LRRFIP2: variants seen among roughly 807,000 people sequenced by gnomAD.
The protein encoded by LRRFIP2 is leucine-rich repeat flightless-interacting protein 2.
Under a neutral mutation model 125.9 loss-of-function variants are expected in LRRFIP2, and 109 were observed. That is an observed-to-expected ratio of 0.87 (90% CI 0.74 to 1.01). LRRFIP2 has a LOEUF of 1.01. Ranked by LOEUF, LRRFIP2 falls within the 50% of genes least tolerant of loss-of-function variation. LRRFIP2 has a pLI of 0.00. For synonymous variants in LRRFIP2, 291 were observed against 293.1 expected, an observed-to-expected ratio of 0.99 and a Z score of 0.07; for missense variants, 850 against 862.3, an observed-to-expected ratio of 0.99 and a Z score of 0.18.
At chr3:37,094,645 C>A (rs531064609) in intron 17 of LRRFIP2, 147 bp downstream of exon 17, 3 of 519,830 alleles carry the variant, frequency 5.8e-6, no homozygotes, top group Non-Finnish European at 1.0e-5. Flanking sequence ...CTCTGAAACA[C>A]TTGAGTCACA....
intron 4 of LRRFIP2, among the ~76,000 whole-genome samples, chr3:37,124,030 A>G (rs1382722284): frequency 6.6e-6 from 1 of 152,194 alleles, no homozygotes; most frequent in Non-Finnish European, 1.5e-5. Context: ...AAACCCCCAT[A>G]CAGGTCAGTT....
intron 15 of LRRFIP2, among the ~76,000 whole-genome samples, chr3:37,100,196 T>A (rs945360436): frequency 3.3e-5 from 5 of 151,952 alleles, no homozygotes; most frequent in African/African-American, 1.2e-4. Context: ...AATACACAAA[T>A]CACCTGTAAT....
intron 18 of LRRFIP2, among the ~76,000 whole-genome samples, chr3:37,090,191 T>C (rs567922709): frequency 4.6e-5 from 7 of 152,006 alleles, no homozygotes; most frequent in African/African-American, 1.7e-4. Flanking sequence ...TTTTGCTTTT[T>C]TAGAGGTGTA....
At chr3:37,108,342 G>A (rs2094424870) in intron 12 of LRRFIP2, among the ~76,000 whole-genome samples, 2 of 152,190 alleles carry the variant, frequency 1.3e-5, no homozygotes, top group South Asian at 2.1e-4. Context: ...CCTGAGAAGT[G>A]CTGCTCAGAA....
At chr3:37,077,785 A>T (rs2092248529) in intron 19 of LRRFIP2, among the ~76,000 whole-genome samples, 1 of 152,216 alleles carries the variant, frequency 6.6e-6, no homozygotes, top group African/African-American at 2.4e-5. Flanking sequence ...GCATAAGCAA[A>T]ATGTGGTATA....
chr3:37,054,615 A>G, intron 26 of LRRFIP2, 100 bp from the exon 27 acceptor site: 1 of 723,626 alleles, frequency 1.4e-6, no homozygotes, highest in South Asian at 1.7e-5. Flanking sequence ...ATGCCAAGTA[A>G]TCTACTAACA....
At chr3:37,114,927 G>C (rs902883705) in intron 7 of LRRFIP2, 127 bp downstream of exon 7, 3 of 687,374 alleles carry the variant, frequency 4.4e-6, no homozygotes, top group African/African-American at 3.6e-5. Flanking sequence ...TTTTTGCTTT[G>C]TTAGTCACAC....
At position 37,081,650 on chromosome 3, in the gene LRRFIP2, G is replaced by A. The variant is rs1414018388; in HGVS notation, c.1278+1986C>T. Among the ~76,000 whole-genome samples the A allele has an allele frequency of 7.2e-5, 11 of 152,210 alleles. No individual in the cohort carries two copies. The East Asian group carries it at 2.1e-3, about 29-fold the overall frequency. ...TGTAATCTCAGCACTGTGGGAAGCT[G>A]AGGTGGGTGGATTGCTTGAGCCCAG... On this transcript the variant is annotated intron_variant, in intron 19 of 27. Transcript: ENST00000336686.
At chr3:37,109,803 C>A in intron 9 of LRRFIP2, 100 bp from the exon 10 acceptor site, 1 of 986,720 alleles carries the variant, frequency 1.0e-6, no homozygotes. Flanking sequence ...ATTTTATACT[C>A]CATAATTCAT....
intron 2 of LRRFIP2, chr3:37,140,225 T>C (rs573657946): frequency 6.6e-6 from 1 of 152,294 alleles, no homozygotes; most frequent in African/African-American, 2.4e-5. Flanking sequence ...CTTTTCATTC[T>C]ATATTCTCTC....
At position 37,063,856 on chromosome 3, in the gene LRRFIP2, T is replaced by A. The variant is rs532558672; in HGVS notation, c.1700-65A>T. ...GATATAGTACATAAACAATTAAAAA[T>A]TTTTCAAACTCATAAACAGCTAATA... On this transcript the variant is annotated intron_variant, in intron 23 of 27. Coordinates refer to ENST00000336686, the MANE Select transcript of LRRFIP2 (RefSeq NM_006309.4). 5.8e-5 allele frequency: 70 copies of A among 1,199,742 alleles called. No individual in the cohort carries two copies. In the East Asian group the frequency reaches 1.5e-3, roughly 26 times the overall value. 74.3% of individuals were successfully genotyped at this position (1,199,742 alleles called of 1,614,324 possible).
rs201693185 is a variant in LRRFIP2, at chr3:37,055,155, A to G, written c.1881T>C (p.Asn627=). 3.0e-5 allele frequency: 48 copies of G among 1,591,472 alleles called. No individual in the cohort carries two copies. The highest frequency in any genetic ancestry group is 3.9e-5 in the Non-Finnish European group (46 of 1,171,216). ...TAAATTTGTATTCGCTAATTTGTCT[A>G]TTGGCATCTCCTAGAACAGAAGAAG... ...LQFIEMQRDA[N]RQISEYKFKL... The change falls in exon 26 of 28, where the codon AAT becomes AAC. Residue 627 remains asparagine (N), a synonymous_variant. Coordinates refer to ENST00000336686, the MANE Select transcript of LRRFIP2 (RefSeq NM_006309.4).
chr3:37,061,608 G>A (rs1037360235), intron 24 of LRRFIP2, among the ~76,000 whole-genome samples: 2 of 151,796 alleles, frequency 1.3e-5, no homozygotes, highest in Non-Finnish European at 2.9e-5. Flanking sequence ...GGCCAGGCTG[G>A]TCTCAACTCC....
At chr3:37,055,593 A>G (rs2086611130) in intron 25 of LRRFIP2, among the ~76,000 whole-genome samples, 1 of 152,090 alleles carries the variant, frequency 6.6e-6, no homozygotes, top group South Asian at 2.1e-4. Context: ...CAAAATACAA[A>G]TGCACACACA....
Position 37,109,661 on chromosome 3 carries a change from T to C in LRRFIP2, c.556A>G (p.Ser186Gly). The C allele has an allele frequency of 1.2e-6, 2 of 1,614,038 alleles. No individual in the cohort carries two copies. The highest frequency in any genetic ancestry group is 1.7e-6 in the Non-Finnish European group (2 of 1,179,956). Residue 186 changes from serine to glycine, a missense_variant, in exon 10 of 28, where the codon AGT (serine) becomes GGT (glycine). Ser to Gly is a moderately conservative substitution (Grantham distance 56). Transcript: ENST00000336686. ...LYSDPLATYK[S>G]DRASPTANSG... ...CCTCAGAAAGTACTAACCCTGTCAC[T>C]CTTATATGTTGCCAGAGGGTCACTG... is the stretch of plus-strand genomic sequence containing the variant.
chr3:37,114,994 C>T (rs1291951531), intron 7 of LRRFIP2, 60 bp downstream of exon 7: 32 of 1,251,646 alleles, frequency 2.6e-5, no homozygotes, highest in Non-Finnish European at 3.6e-5. Flanking sequence ...CTATAATTAG[C>T]ATCAACAGAT....
At position 37,065,953 on chromosome 3, in the gene LRRFIP2, GA is replaced by G. The variant is rs1463571927; in HGVS notation, c.1567-12del. ...AACTAAGCCATGTTTCTGCAGGGGG[GA>G]AAAACCCACCATCACAAAAGGCCCG... On this transcript the variant is annotated splice_polypyrimidine_tract_variant and intron_variant, in intron 22 of 27. Coordinates refer to ENST00000336686, the MANE Select transcript of LRRFIP2 (RefSeq NM_006309.4). The G allele has an allele frequency of 3.1e-6, 5 of 1,613,884 alleles. No individual in the cohort carries two copies. The highest frequency in any genetic ancestry group is 1.3e-5 in the African/African-American group (1 of 75,012).
intron 15 of LRRFIP2, 140 bp downstream of exon 15, chr3:37,102,784 G>A: frequency 1.7e-6 from 1 of 584,308 alleles, no homozygotes; most frequent in Non-Finnish European, 2.9e-6. Context: ...TTACAAGTGT[G>A]AGCCACCATG....
chr3:37,083,024 CAT>C lies in LRRFIP2; in HGVS notation c.1278+610_1278+611del, dbSNP rs200007463. Among the ~76,000 whole-genome samples the C allele has an allele frequency of 2.9e-3, 446 of 152,264 alleles. 4 individuals carry two copies. Among genetic ancestry groups the C allele is most frequent in the African/African-American group, 0.01 (427 of 41,556 alleles). ...CATCAACCCTTCAAAAAGTCTAAAA[CAT>C]ATGCTTTTAAAAGAATCCAATTTGT... On this transcript the variant is annotated intron_variant, in intron 19 of 27. Transcript: ENST00000336686.
Sources: gnomAD v4.1 joint callset for allele counts (sites outside exome capture counted in the v4.1 genomes callset) on GRCh38, gnomAD v4.1.1 for gene constraint, MANE v1.5 for transcripts, NCBI Gene and HGNC (gene_info 2026-07-23, HGNC 2026-07-21) for gene names.